ARID1B: variants seen among roughly 807,000 people sequenced by gnomAD.
ARID1B encodes AT-rich interaction domain 1B.
A neutral mutation model predicts 212.3 loss-of-function variants in ARID1B; 30 were observed. The ratio of observed to expected loss-of-function variants is 0.14; its 90% CI spans 0.11 to 0.19. The LOEUF (loss-of-function observed/expected upper bound fraction) is 0.19, where lower values mean the gene tolerates loss of function less well. Ranked by LOEUF, ARID1B falls within the 10% of genes least tolerant of loss-of-function variation. The pLI is 1.00. For missense variants in ARID1B, 2,891 were observed against 3,204.0 expected (o/e 0.90, Z 2.36); for synonymous variants, 1,402 against 1,301.7 (o/e 1.08, Z -1.66).
intron 2 of ARID1B, among the ~76,000 whole-genome samples, chr6:156,865,014 G>A (rs979483628): frequency 2.0e-5 from 3 of 152,054 alleles, no homozygotes; most frequent in Non-Finnish European, 4.4e-5. Context: ...GTCTCTCCTT[G>A]TAAGATGTTT....
Position 156,778,178 on chromosome 6 carries a change from G to C in ARID1B, c.498G>C (p.Gln166His). 6.5e-7 allele frequency: 1 copy of C among 1,540,308 alleles called. No homozygotes were observed. The highest frequency in any genetic ancestry group is 1.4e-5 in the African/African-American group (1 of 72,866). ...GEAPAAPPHQ[Q>H]HHHHHHAHHH... ...CCCCCGCCGCGCCGCCCCACCAGCA[G>C]CACCACCACCACCACCATGCCCACC... The change falls in exon 1 of 20, where the codon CAG becomes CAC. Residue 166 changes from glutamine (Q) to histidine (H), a missense_variant. Physicochemically the swap from Gln to His is conservative, Grantham distance 24 (BLOSUM62 0). Transcript: ENST00000636930.
intron 1 of ARID1B, among the ~76,000 whole-genome samples, chr6:156,789,364 G>A (rs1779866548): frequency 6.6e-6 from 1 of 152,166 alleles, no homozygotes; most frequent in South Asian, 2.1e-4. Flanking sequence ...CAGGGCTTTG[G>A]AACTATAGAT....
intron 2 of ARID1B, among the ~76,000 whole-genome samples, chr6:156,874,931 G>A (rs1181045581): frequency 1.3e-5 from 2 of 152,154 alleles, no homozygotes; most frequent in African/African-American, 2.4e-5. Context: ...GCCCTTAAGA[G>A]CAGGAGCCAC....
chr6:157,014,093 A>T (rs557133184), intron 4 of ARID1B, among the ~76,000 whole-genome samples: 1 of 152,196 alleles, frequency 6.6e-6, no homozygotes, highest in Non-Finnish European at 1.5e-5. Context: ...AAAACGCAGC[A>T]TGTATTTTCT....
chr6:157,009,502 A>G lies in ARID1B; in HGVS notation c.2247+73926A>G, dbSNP rs145734636. Among the ~76,000 whole-genome samples the G allele has an allele frequency of 6.8e-4, 104 of 152,310 alleles. 1 individual carries two copies. The highest frequency in any genetic ancestry group is 2.3e-3 in the African/African-American group (95 of 41,570). On this transcript the variant is annotated intron_variant, in intron 4 of 19. Transcript: ENST00000636930. ...TAGTTGAAAGGAGTTGATTAGAGAC[A>G]AGTGTAGTTTCTAGACTGGGTTCTG...
chr6:156,865,208 G>A (rs953242156), intron 2 of ARID1B, among the ~76,000 whole-genome samples: 1 of 152,090 alleles, frequency 6.6e-6, no homozygotes, highest in African/African-American at 2.4e-5. Flanking sequence ...TGGATTCTGT[G>A]TCTTTCTTGT....
chr6:156,861,671 G>A (rs774049883), intron 2 of ARID1B, among the ~76,000 whole-genome samples: 2 of 152,144 alleles, frequency 1.3e-5, no homozygotes, highest in Non-Finnish European at 2.9e-5. Flanking sequence ...GACAGGTTGT[G>A]AATGTGAATG....
intron 2 of ARID1B, among the ~76,000 whole-genome samples, chr6:156,864,351 C>G (rs951074489): frequency 6.6e-6 from 1 of 152,140 alleles, no homozygotes; most frequent in African/African-American, 2.4e-5. Flanking sequence ...GTGAGTATAC[C>G]TTCCATGTCT....
intron 2 of ARID1B, among the ~76,000 whole-genome samples, chr6:156,837,466 T>A (rs570358244): frequency 1.0e-3 from 154 of 152,326 alleles, no homozygotes; most frequent in Non-Finnish European, 1.7e-3. Context: ...TTAACTCTCA[T>A]GAGGTAGGCT....
intron 4 of ARID1B, among the ~76,000 whole-genome samples, chr6:156,989,225 A>G (rs1778124269): frequency 6.6e-6 from 1 of 152,158 alleles, no homozygotes; most frequent in South Asian, 2.1e-4. Context: ...GGTCAGCCAC[A>G]CTATGTCTCT....
At position 156,975,613 on chromosome 6, in the gene ARID1B, C is replaced by CTTT. The variant is rs367797338; in HGVS notation, c.2247+40052_2247+40054dup. 7.8e-3 allele frequency among the ~76,000 whole-genome samples: 859 copies of CTTT among 110,838 alleles called. 12 individuals carry two copies. The highest frequency in any genetic ancestry group is 0.028 in the African/African-American group (814 of 29,010). The allele number at this position is 110,838 out of a possible 152,430, so 72.7% of individuals were successfully genotyped here. ...TTTAGTTTGACTGTATTTTTTTTTT[C>CTTT]TTTTTTTTTTTTTTTTTCAGTTCCT... On this transcript the variant is annotated intron_variant, in intron 4 of 19. Transcript: ENST00000636930.
chr6:156,788,262 G>A (rs1428350282), intron 1 of ARID1B, among the ~76,000 whole-genome samples: 1 of 152,004 alleles, frequency 6.6e-6, no homozygotes, highest in Non-Finnish European at 1.5e-5. Context: ...ACTGAGACCT[G>A]TGCAAATACA....
In ARID1B at chr6:157,039,322, C is replaced by CTTTTTTTTTTTTTTTTTT. The variant is rs1003131791; in HGVS notation, c.2248-45338_2248-45321dup. Among the ~76,000 whole-genome samples the CTTTTTTTTTTTTTTTTTT allele has an allele frequency of 3.1e-4, 32 of 102,950 alleles. 1 individual carries two copies. The highest frequency in any genetic ancestry group is 1.8e-3 in the East Asian group (7 of 3,908). 67.5% of individuals were successfully genotyped at this position (102,950 alleles called of 152,430 possible). A position where few individuals can be genotyped will look rare whatever the true frequency, so the allele number is the denominator to read the frequency against. ...ATTAAAAATGGGAAATTTGACATTT[C>CTTTTTTTTTTTTTTTTTT]TTTTTTTTTTTTTTTTTTTGAGACG... On this transcript the variant is annotated intron_variant, in intron 4 of 19. Coordinates refer to ENST00000636930, the MANE Select transcript of ARID1B (RefSeq NM_001374828.1).
At position 156,777,794 on chromosome 6, in the gene ARID1B, G is replaced by T. The variant is rs1276268794; in HGVS notation, c.114G>T (p.Arg38=). 2.2e-5 allele frequency: 21 copies of T among 948,118 alleles called. No individual in the cohort carries two copies. Among genetic ancestry groups the T allele is most frequent in the Non-Finnish European group, 2.4e-5 (19 of 799,178 alleles). 58.7% of individuals were successfully genotyped at this position (948,118 alleles called of 1,614,324 possible). A position where few individuals can be genotyped will look rare whatever the true frequency, so the allele number is the denominator to read the frequency against. The stretch of plus-strand genomic sequence containing the variant: ...GGCCGCGGCCGGCGCCCGGAGCCCG[G>T]GACCTGGAGGCGGGGGCGCGCGGCG... ...PPGPRPAPGA[R]DLEAGARGAA... Residue 38 remains arginine, a synonymous_variant, in exon 1 of 20, where the codon CGG becomes CGT. Coordinates refer to ENST00000636930, the MANE Select transcript of ARID1B (RefSeq NM_001374828.1).
At chr6:157,087,857 A>T (rs1785050959) in intron 5 of ARID1B, among the ~76,000 whole-genome samples, 1 of 151,976 alleles carries the variant, frequency 6.6e-6, no homozygotes, top group Non-Finnish European at 1.5e-5. Flanking sequence ...GAAGGTTAAG[A>T]GGAAGACCGG....
intron 4 of ARID1B, among the ~76,000 whole-genome samples, chr6:156,970,463 A>G (rs1173183324): frequency 1.3e-5 from 2 of 151,904 alleles, no homozygotes; most frequent in East Asian, 1.9e-4. Context: ...TTGGCATTTC[A>G]CTCTCTTCTG....
At chr6:156,934,136 G>A (rs958777450) in intron 3 of ARID1B, among the ~76,000 whole-genome samples, 36 of 152,136 alleles carry the variant, frequency 2.4e-4, no homozygotes, top group Admixed American at 6.5e-5. Flanking sequence ...ACAAGGGAAG[G>A]GAGATAATTT....
At chr6:156,842,207 C>CT (rs1476339326) in intron 2 of ARID1B, among the ~76,000 whole-genome samples, 1 of 152,214 alleles carries the variant, frequency 6.6e-6, no homozygotes, top group Non-Finnish European at 1.5e-5. Flanking sequence ...ACCACCTCCT[C>CT]TGTCTAGTTC....
intron 7 of ARID1B, among the ~76,000 whole-genome samples, chr6:157,146,312 T>C (rs1195304929): frequency 6.6e-6 from 1 of 152,228 alleles, no homozygotes; most frequent in Non-Finnish European, 1.5e-5. Context: ...GTTAGGATTA[T>C]CTGTTTTACA....
Sources: gnomAD v4.1 joint callset for allele counts (sites outside exome capture counted in the v4.1 genomes callset) on GRCh38, gnomAD v4.1.1 for gene constraint, MANE v1.5 for transcripts, NCBI Gene and HGNC (gene_info 2026-07-23, HGNC 2026-07-21) for gene names.